TRIP12: variants seen among roughly 807,000 people sequenced by gnomAD.
The protein encoded by TRIP12 is thyroid hormone receptor interactor 12, also known as E3 ubiquitin-protein ligase TRIP12.
A neutral mutation model predicts 244.2 loss-of-function variants in TRIP12; 25 were observed. The observed-to-expected ratio is 0.10, with a 90% CI of 0.07 to 0.14. The LOEUF (loss-of-function observed/expected upper bound fraction) is 0.14, where lower values mean the gene tolerates loss of function less well. TRIP12 is among the 10% of genes least tolerant of loss of function. The probability of loss-of-function intolerance (pLI) is 1.00; values close to 1 mark genes in which losing one functional copy is unlikely to be tolerated. For synonymous variants in TRIP12, 905 were observed against 873.1 expected (o/e 1.04, Z -0.64); for missense variants, 1,677 against 2,486.4 (o/e 0.67, Z 6.92).
intron 30 of TRIP12, among the ~76,000 whole-genome samples, chr2:229,790,641 T>C (rs989098402): frequency 4.6e-5 from 7 of 152,036 alleles, no homozygotes; most frequent in African/African-American, 1.7e-4. Flanking sequence ...AGGAAAACTA[T>C]AGACAGGAAG....
chr2:229,808,196 G>A, intron 16 of TRIP12, 56 bp downstream of exon 16: 1 of 1,295,246 alleles, frequency 7.7e-7, no homozygotes, highest in Non-Finnish European at 1.1e-6. Flanking sequence ...TCGAACTCCT[G>A]ACCTCGTGAT....
intron 7 of TRIP12, 73 bp downstream of exon 7, chr2:229,830,683 A>AATTTAGTTAAATTC: frequency 2.8e-6 from 4 of 1,417,876 alleles, no homozygotes; most frequent in Non-Finnish European, 3.9e-6. Flanking sequence ...TAACTAAATT[A>AATTTAGTTAAATTC]ATTTCAATAA....
chr2:229,918,819 C>G (rs2075974706), intron 1 of TRIP12, among the ~76,000 whole-genome samples: 1 of 152,082 alleles, frequency 6.6e-6, no homozygotes, highest in Admixed American at 6.6e-5. Flanking sequence ...TAAAAATGAC[C>G]TCAAAACAGC....
At chr2:229,809,345 CAGAT>C (rs893308991) in intron 15 of TRIP12, among the ~76,000 whole-genome samples, 6 of 151,660 alleles carry the variant, frequency 4.0e-5, no homozygotes, top group African/African-American at 9.7e-5. Context: ...AAAATAGAGA[CAGAT>C]AGAAGAGGCC....
At position 229,858,887 on chromosome 2, in the gene TRIP12, C is replaced by A. The variant is rs2060047633; in HGVS notation, c.912G>T (p.Trp304Cys). 2 of 1,613,990 alleles carry A rather than the reference C, an allele frequency of 1.2e-6. No homozygotes were observed. Among genetic ancestry groups the A allele is most frequent in the East Asian group, 4.5e-5 (2 of 44,888 alleles). ...SKTGGSSKFD[W>C]AARFSPKVSL... The stretch of plus-strand genomic sequence containing the variant: ...TAACTTTAGGGCTGAAACGAGCAGC[C>A]CAATCAAATTTTGAAGAGCCACCAG... Residue 304 changes from tryptophan (W) to cysteine (C), a missense_variant, in exon 4 of 42, where the codon TGG (tryptophan) becomes TGT (cysteine). By Grantham distance (215) the Trp-to-Cys change is radical. Coordinates refer to ENST00000675903, the MANE Select transcript of TRIP12 (RefSeq NM_001348323.3).
intron 13 of TRIP12, among the ~76,000 whole-genome samples, chr2:229,812,758 G>GCCA (rs1440999353): frequency 6.6e-6 from 1 of 152,102 alleles, no homozygotes; most frequent in Non-Finnish European, 1.5e-5. Context: ...GTGAGATCAC[G>GCCA]CCACTGCACT....
At chr2:229,802,623 G>A (rs1014901119) in intron 20 of TRIP12, among the ~76,000 whole-genome samples, 164 bp from the exon 21 acceptor site, 2 of 152,114 alleles carry the variant, frequency 1.3e-5, no homozygotes. Context: ...TTTTCAACTT[G>A]ACTTCAATCA....
At chr2:229,808,009 A>G in intron 16 of TRIP12, 145 bp from the exon 17 acceptor site, 1 of 910,238 alleles carries the variant, frequency 1.1e-6, no homozygotes, top group Non-Finnish European at 1.6e-6. Context: ...TCTGTCGCCC[A>G]GGCTGGATGG....
intron 1 of TRIP12, among the ~76,000 whole-genome samples, chr2:229,905,547 C>T (rs2072495766): frequency 1.3e-5 from 2 of 152,132 alleles, no homozygotes; most frequent in Admixed American, 1.3e-4. Context: ...TTTAAACCAT[C>T]TTCAAAAATA....
Position 229,802,299 on chromosome 2 carries a change from G to A in TRIP12, c.3159C>T (p.Pro1053=), listed in dbSNP as rs1199254874. Residue 1053 remains proline (P), a synonymous_variant, in exon 21 of 42, where the codon CCC becomes CCT. Coordinates refer to ENST00000675903, the MANE Select transcript of TRIP12 (RefSeq NM_001348323.3). ...ATHAAADLGS[P]SLQHSRDDSL... ...AATCATCCCTGCTGTGCTGCAAGCT[G>A]GGTGATCCCAAGTCAGCTGCAGCAT... The A allele has an allele frequency of 6.2e-7, 1 of 1,613,004 alleles. No individual in the cohort carries two copies. Among genetic ancestry groups the A allele is most frequent in the East Asian group, 2.2e-5 (1 of 44,848 alleles).
intron 30 of TRIP12, among the ~76,000 whole-genome samples, chr2:229,790,612 G>A (rs910468200): frequency 2.4e-4 from 36 of 152,080 alleles, no homozygotes; most frequent in Admixed American, 2.3e-3. Context: ...ATTTTTAAAG[G>A]GAAGACGTGG....
intron 30 of TRIP12, among the ~76,000 whole-genome samples, chr2:229,790,896 A>C (rs1031163980): frequency 2.0e-5 from 1 of 50,484 alleles, no homozygotes; most frequent in Non-Finnish European, 3.7e-5. Context: ...ACTGGGAATA[A>C]GTTTTTTTCC....
intron 37 of TRIP12, among the ~76,000 whole-genome samples, chr2:229,777,055 T>G (rs1226802352): frequency 2.0e-5 from 3 of 152,222 alleles, no homozygotes; most frequent in Non-Finnish European, 4.4e-5. Flanking sequence ...TATGTCCATC[T>G]AAAATTTAAT....
chr2:229,807,946 A>C, intron 16 of TRIP12, 82 bp from the exon 17 acceptor site: 4 of 1,414,840 alleles, frequency 2.8e-6, no homozygotes, highest in African/African-American at 1.4e-5. Context: ...ATAATCTCAC[A>C]CAAACCAAAA....
chr2:229,921,801 T>A, intron 1 of TRIP12, 79 bp downstream of exon 1: 1 of 121,900 alleles, frequency 8.2e-6, no homozygotes, highest in Middle Eastern at 4.2e-3. Context: ...TTCCAGCTCC[T>A]CCCCCCGCCC....
chr2:229,871,968 G>A (rs2062683474), intron 2 of TRIP12, among the ~76,000 whole-genome samples: 1 of 151,936 alleles, frequency 6.6e-6, no homozygotes, highest in African/African-American at 2.4e-5. Context: ...TTCAGGTGTG[G>A]CATCATTTGC....
chr2:229,909,089 CAAAAAA>C (rs11390500), intron 1 of TRIP12, among the ~76,000 whole-genome samples: 4 of 110,690 alleles, frequency 3.6e-5, no homozygotes, highest in East Asian at 2.6e-4. Flanking sequence ...GACTCTGTCT[CAAAAAA>C]AAAAAAAAAA....
intron 2 of TRIP12, among the ~76,000 whole-genome samples, chr2:229,873,663 GT>G (rs558197461): frequency 3.9e-5 from 6 of 152,028 alleles, no homozygotes; most frequent in Non-Finnish European, 8.8e-5. Flanking sequence ...CTTTGAAATA[GT>G]TTTTTTAAGT....
chr2:229,922,324 G>C, upstream of TRIP12: 1 of 603,074 alleles, frequency 1.7e-6, no homozygotes, highest in Non-Finnish European at 2.9e-6. Flanking sequence ...GGTCACCCGG[G>C]ACCTGGAGCT....
Sources: allele counts gnomAD v4.1 joint callset (sites outside exome capture counted in the v4.1 genomes callset), GRCh38; gene constraint gnomAD v4.1.1; transcripts MANE v1.5; gene names NCBI Gene and HGNC (gene_info 2026-07-23, HGNC 2026-07-21).